Variants in CCS observed in about 807,000 individuals in gnomAD.
CCS encodes the protein copper chaperone for superoxide dismutase, also known as superoxide dismutase copper chaperone.
CCS carries 32 observed loss-of-function variants against 35.5 expected under a neutral mutation model. The observed-to-expected ratio is 0.90, with a 90% CI of 0.68 to 1.21. CCS has a LOEUF of 1.21. Among genes scored for constraint, CCS ranks in the 50% most tolerant of loss-of-function variants. The probability of loss-of-function intolerance (pLI) is 0.00; values close to 1 mark genes in which losing one functional copy is unlikely to be tolerated. For missense variants in CCS, 342 were observed against 375.4 expected (o/e 0.91, Z 0.73); for synonymous variants, 130 against 147.2 (o/e 0.88, Z 0.84).
At position 66,605,920 on chromosome 11, in the gene CCS, C is replaced by T; in HGVS notation, c.*65C>T. 1 of 1,426,550 alleles carries T rather than the reference C, an allele frequency of 7.0e-7. No individual in the cohort carries two copies. Among genetic ancestry groups the T allele is most frequent in the Non-Finnish European group, 9.2e-7 (1 of 1,087,618 alleles). 88.4% of individuals were successfully genotyped at this position (1,426,550 alleles called of 1,614,324 possible). A position where few individuals can be genotyped will look rare whatever the true frequency, so the allele number is the denominator to read the frequency against. On this transcript the variant is annotated 3_prime_UTR_variant, in exon 8 of 8. Coordinates refer to ENST00000533244, the MANE Select transcript of CCS (RefSeq NM_005125.2). Reference sequence around the variant, plus strand: ...GAGCACTTTCCACTTCCAGAGGGGGCCAGAGGGACTTTGCCTGCCCAGTCT... The same window carrying T: ...GAGCACTTTCCACTTCCAGAGGGGGTCAGAGGGACTTTGCCTGCCCAGTCT...
chr11:66,594,854 A>G (rs560124666), intron 2 of CCS, among the ~76,000 whole-genome samples: 1 of 151,916 alleles, frequency 6.6e-6, no homozygotes, highest in African/African-American at 2.4e-5. Context: ...TAGGGAGAAG[A>G]GTTCACATGG....
rs1473015445 is a variant in CCS at position 66,605,489 on chromosome 11, G to T, written c.568G>T (p.Val190Leu). ...CTGAAGCTGTCGTCTCCCCTCAAAG[G>T]TGTGGGATGTGATTGGCCGCAGCCT... is the stretch of plus-strand genomic sequence containing the variant. ...IFRMEDEQLK[V>L]WDVIGRSLII... The change falls in exon 7 of 8, where the codon GTG (valine) becomes TTG (leucine). Residue 190 changes from valine (V) to leucine (L), a missense_variant and splice_region_variant. Coordinates refer to ENST00000533244, the MANE Select transcript of CCS (RefSeq NM_005125.2). 6.2e-7 allele frequency: 1 copy of T among 1,613,874 alleles called. No homozygotes were observed. Among genetic ancestry groups the T allele is most frequent in the Non-Finnish European group, 8.5e-7 (1 of 1,179,936 alleles).
Position 66,600,567 on chromosome 11 carries a change from T to G in CCS, c.489+18T>G. 1 of 1,474,884 alleles carries G rather than the reference T, an allele frequency of 6.8e-7. No individual in the cohort carries two copies. The highest frequency in any genetic ancestry group is 1.4e-5 in the South Asian group (1 of 73,142). The allele number at this position is 1,474,884 out of a possible 1,614,324, so 91.4% of individuals were successfully genotyped here. On this transcript the variant is annotated intron_variant, in intron 5 of 7. Transcript: ENST00000533244. ...CTGACCGGGTAAGTGTCTGTCTGGG[T>G]TTGGGCTTGGGCTGAGAGAGGACCC...
intron 5 of CCS, among the ~76,000 whole-genome samples, chr11:66,603,327 C>A (rs1269731290): frequency 6.6e-6 from 1 of 152,254 alleles, no homozygotes; most frequent in Non-Finnish European, 1.5e-5. Context: ...GCAACCCTAG[C>A]ACTTTGGGAG....
rs1005892913 is a variant in CCS, at chr11:66,603,719, G to A, written c.490-1620G>A. On this transcript the variant is annotated intron_variant, in intron 5 of 7. Transcript: ENST00000533244. ...AAATTAGCCAGGCGTGGTGGCGGGC[G>A]CCTGTAGTCCCAGCTACTTGGGAGG... 4.6e-5 allele frequency among the ~76,000 whole-genome samples: 7 copies of A among 152,256 alleles called. No individual in the cohort carries two copies. The East Asian group carries it at 7.7e-4, about 17-fold the overall frequency.
At chr11:66,598,963 T>TTAC in intron 2 of CCS, among the ~76,000 whole-genome samples, 153 bp from the exon 3 acceptor site, 1 of 152,298 alleles carries the variant, frequency 6.6e-6, no homozygotes, top group Non-Finnish European at 1.5e-5. Context: ...GTGAAGAGGC[T>TTAC]TACTCAGGGT....
chr11:66,605,193 G>C, intron 5 of CCS, 146 bp from the exon 6 acceptor site: 1 of 1,541,774 alleles, frequency 6.5e-7, no homozygotes, highest in African/African-American at 1.4e-5. Context: ...TCCTTGGGGA[G>C]CTCAGATCCT....
At chr11:66,603,639 G>T (rs1401753861) in intron 5 of CCS, among the ~76,000 whole-genome samples, 1 of 152,224 alleles carries the variant, frequency 6.6e-6, no homozygotes, top group Non-Finnish European at 1.5e-5. Flanking sequence ...AAGGTCAGGA[G>T]ATCGAGACCA....
intron 4 of CCS, 34 bp downstream of exon 4, chr11:66,599,670 C>T (rs1858542157): frequency 1.3e-6 from 2 of 1,592,578 alleles, no homozygotes. Context: ...GTAGCATTCT[C>T]AGCTACACAT....
At position 66,605,585 on chromosome 11, in the gene CCS, G is replaced by A. The variant is rs576527998; in HGVS notation, c.664G>A (p.Gly222Arg). Residue 222 changes from glycine to arginine, a missense_variant, in exon 7 of 8, where the codon GGG becomes AGG. Coordinates refer to ENST00000533244, the MANE Select transcript of CCS (RefSeq NM_005125.2). The part of the protein sequence containing the change: ...HPLSKITGNS[G>R]ERLACGIIAR... ...CTTATCCAAGATCACAGGGAACTCCGGGGAGAGGTGAGTGGTGTCGGCCCC... is the reference window on the plus strand; with the variant it reads ...CTTATCCAAGATCACAGGGAACTCCAGGGAGAGGTGAGTGGTGTCGGCCCC... 1.1e-5 allele frequency: 18 copies of A among 1,613,392 alleles called. No individual in the cohort carries two copies. In the Middle Eastern group the frequency reaches 5.0e-4, roughly 44 times the overall value.
chr11:66,601,351 C>CA (rs1858568714), intron 5 of CCS, among the ~76,000 whole-genome samples: 1 of 152,200 alleles, frequency 6.6e-6, no homozygotes, highest in East Asian at 1.9e-4. Context: ...CTCAGCCTCC[C>CA]AAAGTGCTGG....
chr11:66,595,538 T>TAC (rs1858462309), intron 2 of CCS, among the ~76,000 whole-genome samples: 1 of 152,032 alleles, frequency 6.6e-6, no homozygotes, highest in South Asian at 2.1e-4. Context: ...TTTTCTAGAA[T>TAC]ACACACACAC....
chr11:66,593,765 G>T, intron 2 of CCS, 51 bp downstream of exon 2: 1 of 1,544,254 alleles, frequency 6.5e-7, no homozygotes, highest in South Asian at 1.1e-5. Flanking sequence ...CTCTGGGAGG[G>T]ACCAGGCGAA....
intron 2 of CCS, among the ~76,000 whole-genome samples, chr11:66,595,489 G>A (rs1007754922): frequency 6.6e-6 from 1 of 152,108 alleles, no homozygotes; most frequent in African/African-American, 2.4e-5. Flanking sequence ...TTTCTGGTCC[G>A]GCTTGGCTTT....
At chr11:66,601,372 G>A (rs1181702748) in intron 5 of CCS, among the ~76,000 whole-genome samples, 1 of 152,050 alleles carries the variant, frequency 6.6e-6, no homozygotes, top group Admixed American at 6.6e-5. Context: ...GATTACAGGC[G>A]TGAGCCACTG....
chr11:66,604,320 G>A (rs183129517), intron 5 of CCS, among the ~76,000 whole-genome samples: 17 of 152,136 alleles, frequency 1.1e-4, no homozygotes, highest in African/African-American at 3.6e-4. Flanking sequence ...AATCTCCAAC[G>A]CAGGGCGTAA....
Position 66,605,649 on chromosome 11 carries a change from C to G in CCS, c.672-53C>G, listed in dbSNP as rs150455423. The G allele has an allele frequency of 3.0e-4, 478 of 1,584,390 alleles. No homozygotes were observed. The African/African-American group carries it at 5.9e-3, about 20-fold the overall frequency. ...GCTCTGCGGATGGTGCATGAGGAAC[C>G]CAGGGGTGGGGGCCAAACAGGTACC... On this transcript the variant is annotated intron_variant, in intron 7 of 7. Coordinates refer to ENST00000533244, the MANE Select transcript of CCS (RefSeq NM_005125.2).
Position 66,605,026 on chromosome 11 carries a change from A to G in CCS, c.490-313A>G. On this transcript the variant is annotated intron_variant, in intron 5 of 7. Coordinates refer to ENST00000533244, the MANE Select transcript of CCS (RefSeq NM_005125.2). The stretch of plus-strand genomic sequence containing the variant: ...GGAAAAACAGTCTGATCCAATGGGA[A>G]TGACTGCACAGGCAGGGGAAACTTC... The G allele has an allele frequency of 4.2e-6, 4 of 961,910 alleles. No homozygotes were observed. In the South Asian group the frequency reaches 6.6e-5, roughly 16 times the overall value. 59.6% of individuals were successfully genotyped at this position (961,910 alleles called of 1,614,324 possible).
At chr11:66,595,667 T>C (rs778951702) in intron 2 of CCS, among the ~76,000 whole-genome samples, 5 of 152,090 alleles carry the variant, frequency 3.3e-5, no homozygotes, top group Non-Finnish European at 5.9e-5. Context: ...CCTGGTGTTC[T>C]CTGTGGCCTT....
Sources: allele counts gnomAD v4.1 joint callset (sites outside exome capture counted in the v4.1 genomes callset), GRCh38; gene constraint gnomAD v4.1.1; transcripts MANE v1.5; gene names NCBI Gene and HGNC (gene_info 2026-07-23, HGNC 2026-07-21).